Variants in HOOK2 observed in about 807,000 individuals in gnomAD.
HOOK2 encodes the protein hook microtubule tethering protein 2, also known as protein Hook homolog 2.
HOOK2 carries 108 observed loss-of-function variants against 111.9 expected under a neutral mutation model. The ratio of observed to expected loss-of-function variants is 0.96; its 90% confidence interval spans 0.83 to 1.13. The LOEUF (loss-of-function observed/expected upper bound fraction) is 1.13. HOOK2 is among the 50% of genes most tolerant of loss of function. The pLI is 0.00. For synonymous variants in HOOK2, 405 were observed against 394.3 expected (o/e 1.03, Z -0.32); for missense variants, 978 against 951.3 (o/e 1.03, Z -0.37).
intron 14 of HOOK2, among the ~76,000 whole-genome samples, chr19:12,766,824 C>G (rs1271754701): frequency 6.6e-6 from 1 of 152,174 alleles, no homozygotes; most frequent in Non-Finnish European, 1.5e-5. Context: ...ACCTTGTGAT[C>G]CGCTCGCCTT....
Position 12,772,926 on chromosome 19 carries a change from G to A in HOOK2, c.256-14C>T. The A allele has an allele frequency of 6.2e-7, 1 of 1,614,196 alleles. No individual in the cohort carries two copies. The highest frequency in any genetic ancestry group is 8.5e-7 in the Non-Finnish European group (1 of 1,180,018). ...ATGCGCCAGGACCTGGGGAGAAGGG[G>A]GTGTCAGGGGCTCATGGGCCCACCC... On this transcript the variant is annotated splice_polypyrimidine_tract_variant and intron_variant, in intron 4 of 22. Coordinates refer to ENST00000397668, the MANE Select transcript of HOOK2 (RefSeq NM_013312.3).
Position 12,765,820 on chromosome 19 carries a change from G to C in HOOK2, c.1605+9C>G, listed in dbSNP as rs1187253420. On this transcript the variant is annotated intron_variant, in intron 17 of 22. Transcript: ENST00000397668. Reference sequence around the variant, plus strand: ...GTAGGGGGTGCCATCCTGGGCCCATGGTACTTACAATGGCCTGTATGGGGC... The same window carrying C: ...GTAGGGGGTGCCATCCTGGGCCCATCGTACTTACAATGGCCTGTATGGGGC... 3.7e-6 allele frequency: 6 copies of C among 1,613,138 alleles called. No homozygotes were observed. The East Asian group carries it at 1.3e-4, about 36-fold the overall frequency.
chr19:12,791,836 G>C lies in HOOK2; in HGVS notation n.42-17611C>G. ...TCATACACAGCTACGGGATACGGCCGGGCCCCTGGTGGCCTCTCTCTACAC... is the reference window on the plus strand; with the variant it reads ...TCATACACAGCTACGGGATACGGCCCGGCCCCTGGTGGCCTCTCTCTACAC... On this transcript the variant is annotated intron_variant and non_coding_transcript_variant, in intron 3 of 3. Coordinates refer to the HOOK2 transcript ENST00000589765. This position sits in a 1 kb window ranked among gnomAD's most constrained non-coding sequence, Gnocchi z 7.0. The C allele has an allele frequency of 6.2e-7, 1 of 1,613,570 alleles. No homozygotes were observed. Among genetic ancestry groups the C allele is most frequent in the South Asian group, 1.1e-5 (1 of 91,054 alleles).
chr19:12,780,654 C>CTTT (rs1203010571), upstream of HOOK2, among the ~76,000 whole-genome samples: 3 of 32,116 alleles, frequency 9.3e-5, no homozygotes, highest in African/African-American at 3.5e-4. Flanking sequence ...CGCGCCCGGC[C>CTTT]TTTTTTTTTT....
chr19:12,772,978 C>G lies in HOOK2; in HGVS notation c.255+16G>C. On this transcript the variant is annotated intron_variant, in intron 4 of 22. Coordinates refer to ENST00000397668, the MANE Select transcript of HOOK2 (RefSeq NM_013312.3). ...TCTCCCAACTCAACCCCCTGAATCCCTTTACAGTTACTCACATCCTGGGAG... is the reference window on the plus strand; with the variant it reads ...TCTCCCAACTCAACCCCCTGAATCCGTTTACAGTTACTCACATCCTGGGAG... The G allele has an allele frequency of 1.2e-6, 2 of 1,614,206 alleles. No homozygotes were observed. The highest frequency in any genetic ancestry group is 1.1e-5 in the South Asian group (1 of 91,088).
intron 3 of HOOK2, among the ~76,000 whole-genome samples, chr19:12,788,632 C>G (rs538549369): frequency 1.8e-4 from 27 of 152,072 alleles, no homozygotes; most frequent in African/African-American, 6.5e-4. Flanking sequence ...TCAGCCCTGG[C>G]CAGGGCTGAA....
At chr19:12,779,575 C>G (rs1421201034), upstream of HOOK2, among the ~76,000 whole-genome samples, 1 of 152,120 alleles carries the variant, frequency 6.6e-6, no homozygotes, top group Non-Finnish European at 1.5e-5. Flanking sequence ...AGGATGGTCT[C>G]GACCTCCTGA....
Position 12,763,174 on chromosome 19 carries a change from A to C in HOOK2, c.*108T>G. On this transcript the variant is annotated 3_prime_UTR_variant, in exon 23 of 23. Transcript: ENST00000397668. ...TCTGGGAGAGGGAAGAGCAGAGATC[A>C]TGGCCTCAAAGCTCTCGAGCACCTG... 8.5e-7 allele frequency: 1 copy of C among 1,176,486 alleles called. No homozygotes were observed. The highest frequency in any genetic ancestry group is 2.4e-5 in the East Asian group (1 of 41,296). 72.9% of individuals were successfully genotyped at this position (1,176,486 alleles called of 1,614,324 possible).
At chr19:12,778,931 G>A (rs977241538), upstream of HOOK2, among the ~76,000 whole-genome samples, 13 of 152,174 alleles carry the variant, frequency 8.5e-5, no homozygotes, top group Non-Finnish European at 1.5e-4. Context: ...AGCAATCTCT[G>A]TTTTGAAACA....
At chr19:12,785,813 A>C (rs1383711196) in intron 3 of HOOK2, among the ~76,000 whole-genome samples, 1 of 152,160 alleles carries the variant, frequency 6.6e-6, no homozygotes, top group Non-Finnish European at 1.5e-5. Context: ...TCTGCCCCAC[A>C]GAGATCCTGG....
At position 12,772,232 on chromosome 19, in the gene HOOK2, A is replaced by G; in HGVS notation, c.477T>C (p.Pro159=). ...AIQELMTKDT[P]DSLSPETYGN... is the part of the protein sequence containing the mutation. ...CATACGTCTCTGGTGACAGGGAGTC[A>G]GGAGTGTCTTTGGTCATGAGCTGAG... The change falls in exon 7 of 23, where the codon CCT becomes CCC. Residue 159 remains proline, a synonymous_variant. Coordinates refer to ENST00000397668, the MANE Select transcript of HOOK2 (RefSeq NM_013312.3). 6.2e-7 allele frequency: 1 copy of G among 1,614,130 alleles called. No individual in the cohort carries two copies. Among genetic ancestry groups the G allele is most frequent in the East Asian group, 2.2e-5 (1 of 44,888 alleles).
chr19:12,771,525 G>C, intron 7 of HOOK2, 48 bp from the exon 8 acceptor site: 1 of 1,512,326 alleles, frequency 6.6e-7, no homozygotes, highest in Non-Finnish European at 9.1e-7. Flanking sequence ...GGAGAAGGAC[G>C]GGGGGAGGGA....
Position 12,791,548 on chromosome 19 carries a change from G to C in HOOK2, n.42-17323C>G. ...CAGGGAGCTGGGAGCTGGGGGAAAC[G>C]ACGCCAGGAAAGCTATCGCGCCAGA... On this transcript the variant is annotated intron_variant and non_coding_transcript_variant, in intron 3 of 3. Coordinates refer to the HOOK2 transcript ENST00000589765. The surrounding 1 kb of genome is among the most constrained non-coding windows in gnomAD (Gnocchi z 7.0). 2 of 485,160 alleles carry C rather than the reference G, an allele frequency of 4.1e-6. No individual in the cohort carries two copies. Among genetic ancestry groups the C allele is most frequent in the East Asian group, 3.5e-5 (1 of 28,974 alleles). 30.1% of individuals were successfully genotyped at this position (485,160 alleles called of 1,614,324 possible). A position where few individuals can be genotyped will look rare whatever the true frequency, so the allele number is the denominator to read the frequency against.
Position 12,773,030 on chromosome 19 carries a change from C to T in HOOK2, c.219G>A (p.Lys73=), listed in dbSNP as rs1262447954. ...ACTCTACTAGGCTCCGTAAGACCAT[C>T]TTCAGATTGCTGACCTAGGGAGGAA... ...PNWKLKVSNL[K]MVLRSLVEYS... The change falls in exon 4 of 23, where the codon AAG becomes AAA. Residue 73 remains lysine, a synonymous_variant. Transcript: ENST00000397668. The T allele has an allele frequency of 6.2e-7, 1 of 1,614,024 alleles. No homozygotes were observed. Among genetic ancestry groups the T allele is most frequent in the Non-Finnish European group, 8.5e-7 (1 of 1,180,038 alleles).
chr19:12,767,727 C>T, intron 13 of HOOK2, 89 bp downstream of exon 13: 1 of 1,268,192 alleles, frequency 7.9e-7, no homozygotes, highest in Non-Finnish European at 1.1e-6. Context: ...TAGCTCTGTC[C>T]CCAACCTAGA....
intron 20 of HOOK2, 85 bp from the exon 21 acceptor site, chr19:12,763,863 T>G: frequency 1.1e-6 from 1 of 905,372 alleles, no homozygotes; most frequent in Non-Finnish European, 1.7e-6. Flanking sequence ...CATTCATTCT[T>G]TCATTCATTA....
intron 11 of HOOK2, 95 bp from the exon 12 acceptor site, chr19:12,768,218 A>G (rs559136745): frequency 6.8e-5 from 71 of 1,037,970 alleles, no homozygotes; most frequent in Non-Finnish European, 9.0e-5. Flanking sequence ...GCTTTGACTT[A>G]TTATTTTTTT....
intron 11 of HOOK2, among the ~76,000 whole-genome samples, chr19:12,768,775 C>G (rs1042237875): frequency 8.0e-5 from 12 of 150,644 alleles, no homozygotes; most frequent in Non-Finnish European, 1.6e-4. Context: ...GCCCAGCTCT[C>G]TTTTTCTTTT....
At position 12,786,277 on chromosome 19, in the gene HOOK2, G is replaced by T. The variant is rs1286336004; in HGVS notation, n.42-12052C>A. 6.6e-6 allele frequency among the ~76,000 whole-genome samples: 1 copy of T among 152,030 alleles called. No individual in the cohort carries two copies. Among genetic ancestry groups the T allele is most frequent in the Non-Finnish European group, 1.5e-5 (1 of 67,976 alleles). On this transcript the variant is annotated intron_variant and non_coding_transcript_variant, in intron 3 of 3. Coordinates refer to the HOOK2 transcript ENST00000589765. The surrounding 1 kb of genome is among the most constrained non-coding windows in gnomAD (Gnocchi z 4.3). ...TGTGTGCTGCGATTTGTGGGTTCTC[G>T]CCCTGGCCTGCCCACTGGCTGACTC...
Sources: gnomAD v4.1 joint callset for allele counts (sites outside exome capture counted in the v4.1 genomes callset) on GRCh38, gnomAD v4.1.1 for gene constraint, Gnocchi (gnomAD v3.1) non-coding constraint, MANE v1.5 for transcripts, NCBI Gene and HGNC (gene_info 2026-07-23, HGNC 2026-07-21) for gene names.